The following ADAMTS18 variants were observed in gnomAD, a reference collection of about 807,000 sequenced individuals.
The protein encoded by ADAMTS18 is A disintegrin and metalloproteinase with thrombospondin motifs 18.
A neutral mutation model predicts 165.9 loss-of-function variants in ADAMTS18; 157 were observed. The ratio of observed to expected loss-of-function variants is 0.95; its 90% CI spans 0.83 to 1.08. ADAMTS18 has a LOEUF of 1.08. ADAMTS18 is among the 50% of genes least tolerant of loss of function. ADAMTS18 has a pLI of 0.00. For missense variants in ADAMTS18, 2,040 were observed against 1,534.0 expected (o/e 1.33, Z -5.51); for synonymous variants, 782 against 578.2 (o/e 1.35, Z -5.06).
chr16:77,344,125 G>A (rs1544955), intron 10 of ADAMTS18, among the ~76,000 whole-genome samples: 70,246 of 145,710 alleles, frequency 0.48, 17,532 homozygotes, highest in East Asian at 0.88. Context: ...ATATATGTAT[G>A]TATACATACA....
At chr16:77,295,420 G>T (rs542369362) in intron 18 of ADAMTS18, among the ~76,000 whole-genome samples, 1 of 152,156 alleles carries the variant, frequency 6.6e-6, no homozygotes, top group Non-Finnish European at 1.5e-5. Flanking sequence ...AATTTGTTGG[G>T]ATTTTAACTA....
intron 22 of ADAMTS18, among the ~76,000 whole-genome samples, chr16:77,287,736 T>G (rs1253719011): frequency 6.6e-6 from 1 of 152,030 alleles, no homozygotes; most frequent in African/African-American, 2.4e-5. Flanking sequence ...CCTCCCAAAG[T>G]GTTGGGATTA....
intron 16 of ADAMTS18, among the ~76,000 whole-genome samples, chr16:77,301,074 A>G (rs914701121): frequency 1.2e-4 from 18 of 152,214 alleles, no homozygotes; most frequent in Non-Finnish European, 2.5e-4. Flanking sequence ...CAGAATCAGC[A>G]ATTGGAATAC....
chr16:77,372,448 G>A (rs915079873), intron 3 of ADAMTS18, among the ~76,000 whole-genome samples: 4 of 152,220 alleles, frequency 2.6e-5, no homozygotes, highest in African/African-American at 9.6e-5. Flanking sequence ...ATGAAATCTT[G>A]TAATTTGTGG....
At position 77,362,224 on chromosome 16, in the gene ADAMTS18, T is replaced by A; in HGVS notation, c.1097A>T (p.Asn366Ile). ...GGCAGACTGCCATTGACAAAAACTA[T>A]TCAGAGACTGGTCTGCATGATGGTT... is the stretch of plus-strand genomic sequence containing the variant. The part of the protein sequence containing the change: ...LINHHADQSL[N>I]SFCQWQSALI... Residue 366 changes from asparagine to isoleucine, a missense_variant, in exon 7 of 23, where the codon AAT becomes ATT. Asn to Ile is a moderately radical substitution (Grantham distance 149). Coordinates refer to ENST00000282849, the MANE Select transcript of ADAMTS18 (RefSeq NM_199355.4). The A allele has an allele frequency of 6.2e-7, 1 of 1,614,144 alleles. No homozygotes were observed. Among genetic ancestry groups the A allele is most frequent in the Non-Finnish European group, 8.5e-7 (1 of 1,180,004 alleles).
chr16:77,399,461 T>C (rs1437263988), intron 3 of ADAMTS18, among the ~76,000 whole-genome samples: 1 of 152,010 alleles, frequency 6.6e-6, no homozygotes, highest in Admixed American at 6.6e-5. Context: ...GCTAGAGGAG[T>C]TCTGACTTAA....
In ADAMTS18 at chr16:77,353,867, G is replaced by A. The variant is rs1238384897; in HGVS notation, c.1480C>T (p.Leu494=). ...KFLSTPQAGC[L]VDEPKQAGQY... is the part of the protein sequence containing the mutation. The stretch of plus-strand genomic sequence containing the variant: ...CCTGCTTGCTTGGGCTCATCCACTA[G>A]ACACCCCGCCTGAGGTGTGCTGTAA... The change falls in exon 10 of 23, where the codon CTA becomes TTA. Residue 494 remains leucine (L), a synonymous_variant. Coordinates refer to ENST00000282849, the MANE Select transcript of ADAMTS18 (RefSeq NM_199355.4). 2 of 1,614,110 alleles carry A rather than the reference G, an allele frequency of 1.2e-6. No individual in the cohort carries two copies. Among genetic ancestry groups the A allele is most frequent in the Non-Finnish European group, 1.7e-6 (2 of 1,180,016 alleles).
At chr16:77,302,416 C>T (rs1452852539) in intron 16 of ADAMTS18, among the ~76,000 whole-genome samples, 1 of 152,058 alleles carries the variant, frequency 6.6e-6, no homozygotes, top group African/African-American at 2.4e-5. Flanking sequence ...ACTTGTGTGG[C>T]AATACAATGT....
chr16:77,289,203 T>A, intron 22 of ADAMTS18, 61 bp downstream of exon 22: 1 of 1,595,034 alleles, frequency 6.3e-7, no homozygotes, highest in East Asian at 2.2e-5. Context: ...ACTAACAAAG[T>A]AGCCTTTGAA....
rs2055784312 is a variant in ADAMTS18, at chr16:77,311,720, T to TTTTC, written c.2532+8128_2532+8129insGAAA. On this transcript the variant is annotated intron_variant, in intron 16 of 22. Transcript: ENST00000282849. ...CTGGAGTTTTCTTTTTTTTTTGCTT[T>TTTTC]GAATATATTTGCAACTTTTGAATGA... Among the ~76,000 whole-genome samples, 18 of 147,964 alleles carry TTTTC rather than the reference T, an allele frequency of 1.2e-4. No homozygotes were observed. In the East Asian group the frequency reaches 1.2e-3, roughly 10 times the overall value.
At chr16:77,322,194 T>C in intron 14 of ADAMTS18, 142 bp downstream of exon 14, 1 of 512,282 alleles carries the variant, frequency 2.0e-6, no homozygotes, top group South Asian at 1.7e-5. Flanking sequence ...GGTGCTCGAA[T>C]CCAGTGAAAC....
At chr16:77,307,525 T>C (rs917846008) in intron 16 of ADAMTS18, among the ~76,000 whole-genome samples, 2 of 152,196 alleles carry the variant, frequency 1.3e-5, no homozygotes, top group Non-Finnish European at 1.5e-5. Flanking sequence ...CCTCAGAGTG[T>C]AGTGGGGAGA....
At chr16:77,426,039 T>TCAAA (rs4038058) in intron 3 of ADAMTS18, among the ~76,000 whole-genome samples, 1,808 of 151,912 alleles carry the variant, frequency 0.012, 40 homozygotes, top group African/African-American at 0.042. Flanking sequence ...AGACTCCACA[T>TCAAA]CAAACAAACA....
Position 77,300,708 on chromosome 16 carries a change from A to G in ADAMTS18, c.2533-304T>C, listed in dbSNP as rs571466344. Among the ~76,000 whole-genome samples, 9 of 152,192 alleles carry G rather than the reference A, an allele frequency of 5.9e-5. No individual in the cohort carries two copies. The South Asian group carries it at 1.7e-3, about 28-fold the overall frequency. On this transcript the variant is annotated intron_variant, in intron 16 of 22. Coordinates refer to ENST00000282849, the MANE Select transcript of ADAMTS18 (RefSeq NM_199355.4). Reference sequence around the variant, plus strand: ...CATACACACACACACTCACACACATATATGTATCATAAAGAAGAAAGAAAG... The same window carrying G: ...CATACACACACACACTCACACACATGTATGTATCATAAAGAAGAAAGAAAG...
chr16:77,383,501 A>G (rs185120497), intron 3 of ADAMTS18, among the ~76,000 whole-genome samples: 1 of 151,730 alleles, frequency 6.6e-6, no homozygotes, highest in African/African-American at 2.4e-5. Flanking sequence ...CTCTTCCCCT[A>G]GATATCTCAC....
At position 77,289,306 on chromosome 16, in the gene ADAMTS18, G is replaced by A. The variant is rs989553589; in HGVS notation, c.3508C>T (p.Arg1170Ter). The A allele has an allele frequency of 9.9e-6, 16 of 1,613,976 alleles. No individual in the cohort carries two copies. Among genetic ancestry groups the A allele is most frequent in the Middle Eastern group, 1.6e-4 (1 of 6,084 alleles). Reference protein sequence around the residue: ...CLLHQKPPVLRACNTNFCPAP... With the variant: ...CLLHQKPPVL ...GGACAGAAGTTTGTATTACAGGCTC[G>A]TAGCACCGGAGGTTTCTGATGGAGC... The change falls in exon 22 of 23, where the codon CGA becomes TGA. Residue 1170 changes from arginine (R) to a stop codon, truncating the protein, a stop_gained. Coordinates refer to ENST00000282849, the MANE Select transcript of ADAMTS18 (RefSeq NM_199355.4). LOFTEE classifies it high-confidence loss of function.
chr16:77,387,714 A>T (rs901875288), intron 3 of ADAMTS18, among the ~76,000 whole-genome samples: 10 of 152,338 alleles, frequency 6.6e-5, no homozygotes, highest in African/African-American at 2.4e-4. Context: ...TGCCAAAAAA[A>T]TTTTAAAAAG....
intron 3 of ADAMTS18, chr16:77,378,747 G>C (rs1206527113): frequency 2.0e-5 from 3 of 151,832 alleles, no homozygotes; most frequent in Non-Finnish European, 4.4e-5. Flanking sequence ...AAATAAAAGT[G>C]CTAAAAATAG....
chr16:77,353,977 A>G, intron 9 of ADAMTS18, 91 bp from the exon 10 acceptor site: 1 of 1,468,298 alleles, frequency 6.8e-7, no homozygotes. Flanking sequence ...TCATGCAAAG[A>G]AAAATATAGC....
Sources: allele counts gnomAD v4.1 joint callset (sites outside exome capture counted in the v4.1 genomes callset), GRCh38; gene constraint gnomAD v4.1.1; transcripts MANE v1.5; gene names NCBI Gene and HGNC (gene_info 2026-07-23, HGNC 2026-07-21).